FAM229B: variants seen among roughly 807,000 people sequenced by gnomAD.
The protein encoded by FAM229B is family with sequence similarity 229 member B.
Under a neutral mutation model 6.7 loss-of-function variants are expected in FAM229B, and 2 were observed. The observed-to-expected ratio is 0.30, with a 90% CI of 0.12 to 0.94. FAM229B has a LOEUF of 0.94. Ranked by LOEUF, FAM229B falls within the 40% of genes least tolerant of loss-of-function variation. The pLI, the probability that FAM229B is intolerant of heterozygous loss-of-function variation, is 0.54. For synonymous variants in FAM229B, 29 were observed against 34.0 expected, an observed-to-expected ratio of 0.85 and a Z score of 0.51; for missense variants, 93 against 96.2, an observed-to-expected ratio of 0.97 and a Z score of 0.14.
chr6:112,087,780 C>G lies in FAM229B; in HGVS notation c.-176+60C>G, dbSNP rs1245487516. 9.9e-6 allele frequency: 3 copies of G among 304,410 alleles called. No individual in the cohort carries two copies. In the Admixed American group the frequency reaches 1.5e-4, roughly 15 times the overall value. The allele number at this position is 304,410 out of a possible 1,614,324, so 18.9% of individuals were successfully genotyped here. A position where few individuals can be genotyped will look rare whatever the true frequency, so the allele number is the denominator to read the frequency against. On this transcript the variant is annotated intron_variant, in intron 1 of 3. Transcript: ENST00000368656. ...TGTCGTTAAGCTGTTCGTGGGCTAT[C>G]AGAGGTTTAATTTTTGTTCACAGCC...
chr6:112,096,407 T>C (rs1470958190), intron 1 of FAM229B, among the ~76,000 whole-genome samples: 4 of 151,924 alleles, frequency 2.6e-5, no homozygotes, highest in African/African-American at 7.3e-5. Context: ...ATAGAAAAAA[T>C]TAGCCGGGTG....
rs1162050115 is a variant in FAM229B at position 112,102,045 on chromosome 6, G to A, written c.*1258G>A. On this transcript the variant is annotated 3_prime_UTR_variant, in exon 4 of 4. Coordinates refer to ENST00000368656, the MANE Select transcript of FAM229B (RefSeq NM_001033564.3). Reference sequence around the variant, plus strand: ...TTAAGAAAGCTTAAAAATAAGCCTTGAGAGACTCAAGATGATCTCTAAGTA... The same window carrying A: ...TTAAGAAAGCTTAAAAATAAGCCTTAAGAGACTCAAGATGATCTCTAAGTA... The A allele has an allele frequency of 6.6e-6, 1 of 152,176 alleles. No individual in the cohort carries two copies. Among genetic ancestry groups the A allele is most frequent in the African/African-American group, 2.4e-5 (1 of 41,444 alleles). 9.4% of individuals were successfully genotyped at this position (152,176 alleles called of 1,614,324 possible).
intron 3 of FAM229B, among the ~76,000 whole-genome samples, chr6:112,100,066 G>A (rs1554319077): frequency 6.6e-6 from 1 of 152,194 alleles, no homozygotes; most frequent in Non-Finnish European, 1.5e-5. Flanking sequence ...AGTTAGTCAA[G>A]GATAAAATGG....
rs782488915 is a variant in FAM229B at position 112,100,829 on chromosome 6, A to G, written c.*42A>G. The G allele has an allele frequency of 2.5e-5, 35 of 1,398,318 alleles. No individual in the cohort carries two copies. The African/African-American group carries it at 4.8e-4, about 19-fold the overall frequency. The allele number at this position is 1,398,318 out of a possible 1,614,324, so 86.6% of individuals were successfully genotyped here. A position where few individuals can be genotyped will look rare whatever the true frequency, so the allele number is the denominator to read the frequency against. On this transcript the variant is annotated 3_prime_UTR_variant, in exon 4 of 4. Coordinates refer to ENST00000368656, the MANE Select transcript of FAM229B (RefSeq NM_001033564.3). ...GTCAAGGTCTGACTAGGTCAAGGGT[A>G]ATGGACCAGTATCATCTGGTGATCT...
Position 112,099,393 on chromosome 6 carries a change from A to C in FAM229B, c.110A>C (p.Glu37Ala). ...LSSSAACNGK[E>A]MSPTRQLRRC... is the part of the protein sequence containing the mutation. ...TCCAGTGCTGCCTGTAATGGGAAGG[A>C]GATGTCACCAACCAGGTAAAGTCTT... Residue 37 changes from glutamate to alanine, a missense_variant, in exon 3 of 4, where the codon GAG becomes GCG. By Grantham distance (107) the Glu-to-Ala change is moderately radical. Transcript: ENST00000368656. The C allele has an allele frequency of 6.2e-7, 1 of 1,613,508 alleles. No homozygotes were observed. Among genetic ancestry groups the C allele is most frequent in the Non-Finnish European group, 8.5e-7 (1 of 1,179,712 alleles).
intron 1 of FAM229B, among the ~76,000 whole-genome samples, chr6:112,095,462 T>C (rs1777308985): frequency 1.3e-5 from 2 of 151,474 alleles, no homozygotes; most frequent in South Asian, 4.2e-4. Flanking sequence ...TAAAACCCTC[T>C]ATCTACAAAA....
At chr6:112,095,250 C>T (rs899782910) in intron 1 of FAM229B, among the ~76,000 whole-genome samples, 2 of 152,084 alleles carry the variant, frequency 1.3e-5, no homozygotes, top group Non-Finnish European at 2.9e-5. Flanking sequence ...TAATTCCTCA[C>T]GACAACTCTG....
At chr6:112,095,689 A>C (rs587774593) in intron 1 of FAM229B, among the ~76,000 whole-genome samples, 25 of 146,006 alleles carry the variant, frequency 1.7e-4, no homozygotes, top group South Asian at 4.3e-4. Context: ...AAAAAAAAAA[A>C]CCTCTAACCT....
intron 2 of FAM229B, among the ~76,000 whole-genome samples, chr6:112,097,909 G>T (rs1163448239): frequency 6.6e-6 from 1 of 152,188 alleles, no homozygotes; most frequent in Non-Finnish European, 1.5e-5. Context: ...AAAAATGAGG[G>T]TAGTGTTTCT....
At chr6:112,099,478 T>A in intron 3 of FAM229B, 70 bp downstream of exon 3, 2 of 1,420,780 alleles carry the variant, frequency 1.4e-6, no homozygotes, top group Non-Finnish European at 1.9e-6. Flanking sequence ...TCAGCTGATA[T>A]TCATTATTAG....
In FAM229B at chr6:112,101,372, G is replaced by C. The variant is rs996995990; in HGVS notation, c.*585G>C. On this transcript the variant is annotated 3_prime_UTR_variant, in exon 4 of 4. Transcript: ENST00000368656. The stretch of plus-strand genomic sequence containing the variant: ...CCACTTCCATAGAGGAGCCCAGATT[G>C]TTGGTTAAATATATTGATAATGAAG... 1 of 152,212 alleles carries C rather than the reference G, an allele frequency of 6.6e-6. No individual in the cohort carries two copies. The highest frequency in any genetic ancestry group is 1.5e-5 in the Non-Finnish European group (1 of 68,044). 9.4% of individuals were successfully genotyped at this position (152,212 alleles called of 1,614,324 possible). A position where few individuals can be genotyped will look rare whatever the true frequency, so the allele number is the denominator to read the frequency against.
At chr6:112,099,021 A>C (rs1380089791) in intron 2 of FAM229B, among the ~76,000 whole-genome samples, 1 of 152,178 alleles carries the variant, frequency 6.6e-6, no homozygotes, top group Non-Finnish European at 1.5e-5. Context: ...AAGGGCAGGC[A>C]CGTTGTGTGC....
Position 112,102,601 on chromosome 6 carries a change from C to G in FAM229B, c.*1814C>G, listed in dbSNP as rs781920733. ...TACATGGATCATTGAGTAGAGTCTT[C>G]AGCAAAATATTGGCAAAGTAGGGTT... is the stretch of plus-strand genomic sequence containing the variant. On this transcript the variant is annotated 3_prime_UTR_variant, in exon 4 of 4. Coordinates refer to ENST00000368656, the MANE Select transcript of FAM229B (RefSeq NM_001033564.3). 2.0e-5 allele frequency: 3 copies of G among 152,066 alleles called. No homozygotes were observed. Among genetic ancestry groups the G allele is most frequent in the Non-Finnish European group, 4.4e-5 (3 of 68,032 alleles). The allele number at this position is 152,066 out of a possible 1,614,324, so 9.4% of individuals were successfully genotyped here. A position where few individuals can be genotyped will look rare whatever the true frequency, so the allele number is the denominator to read the frequency against.
rs116361251 is a variant in FAM229B at position 112,096,777 on chromosome 6, G to A, written c.-175-264G>A. ...GAGTGAGATGAGGATGTAGACAGATGGGATTTATTTGGGATGTTATAAGAG... is the reference window on the plus strand; with the variant it reads ...GAGTGAGATGAGGATGTAGACAGATAGGATTTATTTGGGATGTTATAAGAG... On this transcript the variant is annotated intron_variant, in intron 1 of 3. Transcript: ENST00000368656. Among the ~76,000 whole-genome samples, 1,033 of 152,246 alleles carry A rather than the reference G, an allele frequency of 6.8e-3. 8 individuals are homozygous for A. The highest frequency in any genetic ancestry group is 0.024 in the African/African-American group (992 of 41,558).
chr6:112,100,583 T>G (rs1562612055), intron 3 of FAM229B, 87 bp from the exon 4 acceptor site: 14 of 843,620 alleles, frequency 1.7e-5, no homozygotes, highest in Non-Finnish European at 2.4e-5. Flanking sequence ...TTAAAACAGT[T>G]AAATATACAA....
chr6:112,094,391 T>C (rs1777296511), intron 1 of FAM229B, among the ~76,000 whole-genome samples: 1 of 152,184 alleles, frequency 6.6e-6, no homozygotes, highest in African/African-American at 2.4e-5. Context: ...CTCCATTTAT[T>C]TTCTGTTTTC....
chr6:112,093,514 A>G (rs890848018), intron 1 of FAM229B, among the ~76,000 whole-genome samples: 1 of 152,144 alleles, frequency 6.6e-6, no homozygotes, highest in East Asian at 1.9e-4. Flanking sequence ...AGTTCTATCA[A>G]TCAACAAATC....
intron 1 of FAM229B, among the ~76,000 whole-genome samples, chr6:112,089,737 T>C (rs1183972428): frequency 6.6e-6 from 1 of 151,906 alleles, no homozygotes; most frequent in Non-Finnish European, 1.5e-5. Context: ...CTTAAAATAA[T>C]AACAATACTA....
intron 1 of FAM229B, among the ~76,000 whole-genome samples, chr6:112,088,632 C>A (rs1267352892): frequency 6.6e-6 from 1 of 151,832 alleles, no homozygotes; most frequent in Non-Finnish European, 1.5e-5. Context: ...GATTTTATAT[C>A]TTTTGGTAAT....
Sources: allele counts gnomAD v4.1 joint callset (sites outside exome capture counted in the v4.1 genomes callset), GRCh38; gene constraint gnomAD v4.1.1; transcripts MANE v1.5; gene names NCBI Gene and HGNC (gene_info 2026-07-23, HGNC 2026-07-21).